Variants in IGBP1 observed in about 807,000 individuals in gnomAD.
IGBP1 encodes immunoglobulin-binding protein 1.
Under a neutral mutation model 25.9 loss-of-function variants are expected in IGBP1, and 2 were observed. That is an observed-to-expected ratio of 0.08 (90% CI 0.03 to 0.24). IGBP1 has a LOEUF of 0.24. IGBP1 is among the 10% of genes least tolerant of loss of function. The probability of loss-of-function intolerance (pLI) is 1.00; values close to 1 mark genes in which losing one functional copy is unlikely to be tolerated. For missense variants in IGBP1, 187 were observed against 260.4 expected (o/e 0.72, Z 1.94); for synonymous variants, 96 against 93.4 (o/e 1.03, Z -0.16).
At chrX:70,137,635 G>C (rs1240505988) in intron 3 of IGBP1, among the ~76,000 whole-genome samples, 1 of 108,640 alleles carries the variant, frequency 9.2e-6, no homozygotes, top group Non-Finnish European at 1.9e-5. Flanking sequence ...CTGAGGATAT[G>C]GGCTAGACTG....
At position 70,146,696 on chromosome X, in the gene IGBP1, T is replaced by C. The variant is rs779963402; in HGVS notation, c.546T>C (p.Gly182=). 8.3e-7 allele frequency: 1 copy of C among 1,206,252 alleles called. No individual in the cohort carries two copies. Among genetic ancestry groups the C allele is most frequent in the Non-Finnish European group, 1.1e-6 (1 of 891,539 alleles). Residue 182 remains glycine (G), a synonymous_variant, in exon 4 of 7, where the codon GGT becomes GGC. Transcript: ENST00000356413. ...LSAMKSAVES[G]QADDERVREY... is the part of the protein sequence containing the mutation. Reference sequence around the variant, plus strand: ...CAATGAAATCTGCTGTGGAAAGTGGTCAAGCAGATGATGAGCGTGTTCGTG... The same window carrying C: ...CAATGAAATCTGCTGTGGAAAGTGGCCAAGCAGATGATGAGCGTGTTCGTG...
intron 6 of IGBP1, among the ~76,000 whole-genome samples, chrX:70,156,886 G>A (rs1468984398): frequency 1.8e-5 from 2 of 111,886 alleles, no homozygotes; most frequent in African/African-American, 3.3e-5. Context: ...GTTGCAGTGA[G>A]TCAAGATCAC....
At chrX:70,142,566 C>T (rs969511562) in intron 3 of IGBP1, among the ~76,000 whole-genome samples, 11 of 110,606 alleles carry the variant, frequency 9.9e-5, no homozygotes, top group Admixed American at 1.9e-4. Context: ...TGCCTTTAAT[C>T]GCAGCACTTT....
At chrX:70,161,371 C>T (rs770138773) in intron 6 of IGBP1, among the ~76,000 whole-genome samples, 2 of 111,515 alleles carry the variant, frequency 1.8e-5, no homozygotes, top group Non-Finnish European at 3.8e-5. Flanking sequence ...ACAAGTCCAT[C>T]CAACACCCAA....
At chrX:70,148,534 CT>C in intron 4 of IGBP1, 1 of 391,015 alleles carries the variant, frequency 2.6e-6, no homozygotes, top group Non-Finnish European at 4.5e-6. Flanking sequence ...GACATGATTC[CT>C]GGGAGAACTT....
At position 70,150,308 on chromosome X, in the gene IGBP1, C is replaced by T. The variant is rs898711397; in HGVS notation, c.857C>T (p.Ala286Val). The T allele has an allele frequency of 8.6e-7, 1 of 1,166,651 alleles. No homozygotes were observed. Among genetic ancestry groups the T allele is most frequent in the African/African-American group, 1.8e-5 (1 of 56,817 alleles). ...GGAGCATTACCGGATCAGGGAATAG[C>T]CAAGGCAGCACCAGGTATGACGGGG... ...KYGALPDQGI[A>V]KAAPEEFRKA... The change falls in exon 6 of 7, where the codon GCC becomes GTC. Residue 286 changes from alanine (A) to valine (V), a missense_variant. Physicochemically the swap from Ala to Val is moderately conservative, Grantham distance 64 (BLOSUM62 0). Coordinates refer to ENST00000356413, the MANE Select transcript of IGBP1 (RefSeq NM_001551.3).
intron 6 of IGBP1, among the ~76,000 whole-genome samples, chrX:70,161,590 C>T (rs2085271079): frequency 8.9e-6 from 1 of 112,082 alleles, no homozygotes; most frequent in Non-Finnish European, 1.9e-5. Flanking sequence ...TATACCCAAC[C>T]TACCCAACAT....
intron 3 of IGBP1, among the ~76,000 whole-genome samples, chrX:70,146,191 T>C (rs1055907416): frequency 6.3e-5 from 7 of 111,938 alleles, no homozygotes; most frequent in Non-Finnish European, 1.3e-4. Flanking sequence ...GATCATTTTT[T>C]AGGCTGTTTC....
At position 70,133,497 on chromosome X, in the gene IGBP1, G is replaced by C. The variant is rs1273242375; in HGVS notation, c.-269G>C. On this transcript the variant is annotated 5_prime_UTR_variant, in exon 1 of 7. Transcript: ENST00000356413. Reference sequence around the variant, plus strand: ...CTTCAAACCGTGGGAGTGGTGCGGCGGCTAGAGTCCCTGGACTCCTCAACC... The same window carrying C: ...CTTCAAACCGTGGGAGTGGTGCGGCCGCTAGAGTCCCTGGACTCCTCAACC... 7.3e-6 allele frequency: 2 copies of C among 273,180 alleles called. No homozygotes were observed. Among genetic ancestry groups the C allele is most frequent in the Non-Finnish European group, 1.3e-5 (2 of 155,556 alleles). The allele number at this position is 273,180 out of a possible 1,213,427, so 22.5% of individuals were successfully genotyped here.
chrX:70,150,667 A>G (rs940188970), intron 6 of IGBP1, among the ~76,000 whole-genome samples: 1 of 112,108 alleles, frequency 8.9e-6, no homozygotes, highest in Non-Finnish European at 1.9e-5. Context: ...TACAAACTGA[A>G]CAAAATATTT....
At chrX:70,142,637 G>A (rs2085137811) in intron 3 of IGBP1, among the ~76,000 whole-genome samples, 1 of 109,838 alleles carries the variant, frequency 9.1e-6, no homozygotes, top group Admixed American at 9.8e-5. Context: ...GGGCAACGTA[G>A]TGAGACCCCC....
At chrX:70,133,642 ACTT>A in intron 1 of IGBP1, 78 bp from the exon 2 acceptor site, 1 of 418,943 alleles carries the variant, frequency 2.4e-6, no homozygotes, top group South Asian at 4.1e-5. Flanking sequence ...AGCCCACAGA[ACTT>A]CTCAGCCCCG....
chrX:70,162,879 C>CA (rs113851062), intron 6 of IGBP1, among the ~76,000 whole-genome samples: 16,607 of 109,996 alleles, frequency 0.15, 2,086 homozygotes, highest in African/African-American at 0.41. Flanking sequence ...GAGGATGAGA[C>CA]AGGAGAATCG....
intron 6 of IGBP1, among the ~76,000 whole-genome samples, chrX:70,165,541 C>T (rs779871732): frequency 9.1e-6 from 1 of 110,043 alleles, no homozygotes; most frequent in South Asian, 3.9e-4. Flanking sequence ...TGGGTGTTGG[C>T]CATTTTTGCA....
chrX:70,155,494 CAA>C (rs57946963), intron 6 of IGBP1, among the ~76,000 whole-genome samples: 9 of 36,543 alleles, frequency 2.5e-4, no homozygotes, highest in Admixed American at 3.4e-4. Flanking sequence ...GACTCTGTCT[CAA>C]AAAAAAAAAA....
intron 6 of IGBP1, among the ~76,000 whole-genome samples, chrX:70,154,608 G>A (rs1297474046): frequency 1.0e-5 from 1 of 99,983 alleles, no homozygotes; most frequent in East Asian, 3.3e-4. Flanking sequence ...GCCAGGTGTG[G>A]TGGCTCACAC....
At chrX:70,136,067 T>A (rs750408177) in intron 3 of IGBP1, among the ~76,000 whole-genome samples, 1 of 111,762 alleles carries the variant, frequency 8.9e-6, no homozygotes, top group South Asian at 3.8e-4. Flanking sequence ...CAAAGTCAAC[T>A]ATTATTATTT....
intron 6 of IGBP1, among the ~76,000 whole-genome samples, chrX:70,154,117 G>A (rs1163730943): frequency 9.8e-6 from 1 of 102,104 alleles, no homozygotes; most frequent in Non-Finnish European, 2.0e-5. Flanking sequence ...GAGGGCAGTG[G>A]CGCGATCTCG....
Position 70,166,119 on chromosome X carries a change from A to G in IGBP1, c.*138A>G. 15 of 574,183 alleles carry G rather than the reference A, an allele frequency of 2.6e-5. 1 individual carries two copies. The South Asian group carries it at 4.3e-4, about 16-fold the overall frequency. 47.3% of individuals were successfully genotyped at this position (574,183 alleles called of 1,213,427 possible). On this transcript the variant is annotated 3_prime_UTR_variant, in exon 7 of 7. Coordinates refer to ENST00000356413, the MANE Select transcript of IGBP1 (RefSeq NM_001551.3). Reference sequence around the variant, plus strand: ...TGCTAAATCTTGCTTTGCATTCAGTAAAGTGTCAAGTGATTAAGTGTGTAT... The same window carrying G: ...TGCTAAATCTTGCTTTGCATTCAGTGAAGTGTCAAGTGATTAAGTGTGTAT...
Sources: gnomAD v4.1 joint callset for allele counts (sites outside exome capture counted in the v4.1 genomes callset) on GRCh38, gnomAD v4.1.1 for gene constraint, MANE v1.5 for transcripts, NCBI Gene and HGNC (gene_info 2026-07-23, HGNC 2026-07-21) for gene names.